The following FAM193A variants were observed in gnomAD, a reference collection of about 807,000 sequenced individuals.
FAM193A encodes family with sequence similarity 193 member A.
Under a neutral mutation model 126.5 loss-of-function variants are expected in FAM193A, and 22 were observed. The observed-to-expected ratio is 0.17, with a 90% CI of 0.12 to 0.25. The LOEUF (loss-of-function observed/expected upper bound fraction) is 0.25, where lower values mean the gene tolerates loss of function less well. FAM193A is among the 10% of genes least tolerant of loss of function. The probability of loss-of-function intolerance (pLI) is 1.00; values close to 1 mark genes in which losing one functional copy is unlikely to be tolerated. For missense variants in FAM193A, 1,675 were observed against 1,672.8 expected, an observed-to-expected ratio of 1.00 and a Z score of -0.02; for synonymous variants, 761 against 646.8, an observed-to-expected ratio of 1.18 and a Z score of -2.68.
chr4:2,565,575 A>G (rs1011277470), intron 1 of FAM193A, among the ~76,000 whole-genome samples: 1 of 145,930 alleles, frequency 6.9e-6, no homozygotes, highest in South Asian at 2.1e-4. Context: ...ACTTTGTAAT[A>G]AAAAAAAAAA....
intron 1 of FAM193A, among the ~76,000 whole-genome samples, chr4:2,577,105 G>T (rs1739630339): frequency 6.6e-6 from 1 of 152,194 alleles, no homozygotes; most frequent in Non-Finnish European, 1.5e-5. Flanking sequence ...TTTTTTGAGA[G>T]TATTATGGGG....
intron 13 of FAM193A, among the ~76,000 whole-genome samples, chr4:2,683,198 G>T (rs566441823): frequency 1.4e-4 from 21 of 152,128 alleles, no homozygotes; most frequent in African/African-American, 4.8e-4. Flanking sequence ...TTTCTGACAA[G>T]ATGTCCTCTG....
At chr4:2,631,535 C>G (rs1743586705) in intron 5 of FAM193A, among the ~76,000 whole-genome samples, 1 of 152,202 alleles carries the variant, frequency 6.6e-6, no homozygotes, top group Admixed American at 6.5e-5. Flanking sequence ...TCTTTCGTTG[C>G]TGTAGACAGA....
chr4:2,696,554 C>T lies in FAM193A; in HGVS notation c.3468C>T (p.Ser1156=), dbSNP rs770601810. 13 of 1,614,212 alleles carry T rather than the reference C, an allele frequency of 8.1e-6. No individual in the cohort carries two copies. The highest frequency in any genetic ancestry group is 1.1e-5 in the Non-Finnish European group (13 of 1,180,022). The change falls in exon 18 of 21, where the codon AGC becomes AGT. Residue 1156 remains serine (S), a synonymous_variant. Transcript: ENST00000637812. ...GCTCCGAAACCAAACCAGTGAGCAG[C>T]ACGCGTGCAGCGAAGCGAGCAAGGC... ...INSSETKPVS[S]TRAAKRARHK...
intron 19 of FAM193A, among the ~76,000 whole-genome samples, chr4:2,710,705 A>AG (rs1389794730): frequency 1.3e-5 from 2 of 151,842 alleles, no homozygotes; most frequent in Non-Finnish European, 2.9e-5. Context: ...GCATTTTGCC[A>AG]GATTGTCCAG....
Position 2,716,052 on chromosome 4 carries a change from C to G in FAM193A, c.4402C>G (p.Leu1468Val). 6.2e-7 allele frequency: 1 copy of G among 1,606,160 alleles called. No homozygotes were observed. Among genetic ancestry groups the G allele is most frequent in the South Asian group, 1.1e-5 (1 of 90,888 alleles). ...TGTCTTTCTACCTAAAGATATTGAC[C>G]TAGACAGTGTGGATATGGATGAGAC... is the stretch of plus-strand genomic sequence containing the variant. Reference protein sequence around the residue: ...DDVFLPKDIDLDSVDMDETER... With the variant: ...DDVFLPKDIDVDSVDMDETER... Residue 1468 changes from leucine (L) to valine (V), a missense_variant, in exon 20 of 21, where the codon CTA (leucine) becomes GTA (valine). By Grantham distance (32) the Leu-to-Val change is conservative. This residue lies in a region of FAM193A where 415 missense variants were observed against 396.7 expected (regional missense o/e 1.05). Coordinates refer to ENST00000637812, the MANE Select transcript of FAM193A (RefSeq NM_001366318.2).
intron 19 of FAM193A, among the ~76,000 whole-genome samples, chr4:2,715,761 T>C: frequency 6.6e-6 from 1 of 152,184 alleles, no homozygotes; most frequent in East Asian, 1.9e-4. Context: ...ATGGGGAGTC[T>C]AGGTTCTGGC....
At chr4:2,706,511 G>C (rs1266933090) in intron 19 of FAM193A, among the ~76,000 whole-genome samples, 1 of 151,706 alleles carries the variant, frequency 6.6e-6, no homozygotes, top group African/African-American at 2.4e-5. Context: ...GGTCAGGCTG[G>C]TCTCAAACTC....
intron 20 of FAM193A, among the ~76,000 whole-genome samples, chr4:2,717,719 C>A (rs1004694398): frequency 5.3e-5 from 8 of 149,812 alleles, no homozygotes; most frequent in African/African-American, 1.5e-4. Context: ...ACGGCACTTG[C>A]ACTCTAGCCT....
rs1298861410 is a variant in FAM193A at position 2,700,241 on chromosome 4, C to T, written c.4069C>T (p.Pro1357Ser). ...CGAGCCAGCGAGGAGGCCCACAGAG[C>T]CCCCCAAGGCCACAGAGGGGCAGTC... Reference protein sequence around the residue: ...SSEPARRPTEPPKATEGQSKP... With the variant: ...SSEPARRPTESPKATEGQSKP... The change falls in exon 19 of 21, where the codon CCC (proline) becomes TCC (serine). Residue 1357 changes from proline (P) to serine (S), a missense_variant. Around this residue, in one of 4 missense-constraint regions of FAM193A, gnomAD observed 415 missense variants for 396.7 expected, o/e 1.05. Transcript: ENST00000637812. 5.0e-6 allele frequency: 8 copies of T among 1,613,966 alleles called. No homozygotes were observed. The highest frequency in any genetic ancestry group is 2.7e-5 in the African/African-American group (2 of 75,016).
At chr4:2,596,388 G>T in intron 2 of FAM193A, 59 bp downstream of exon 2, 1 of 673,832 alleles carries the variant, frequency 1.5e-6, no homozygotes, top group Admixed American at 2.1e-5. Context: ...CAGGTTATGG[G>T]GTAACTGGCA....
At chr4:2,704,731 G>A (rs941795157) in intron 19 of FAM193A, among the ~76,000 whole-genome samples, 4 of 152,094 alleles carry the variant, frequency 2.6e-5, no homozygotes, top group African/African-American at 9.7e-5. Flanking sequence ...CTTTTTAACT[G>A]TTGCCAATCC....
intron 1 of FAM193A, among the ~76,000 whole-genome samples, chr4:2,549,437 C>T (rs1449877555): frequency 6.6e-5 from 9 of 135,750 alleles, no homozygotes; most frequent in African/African-American, 2.2e-4. Flanking sequence ...CGCTCTGTCG[C>T]CCAGGCTGGA....
At chr4:2,690,420 TTCA>T (rs1322059153) in intron 14 of FAM193A, among the ~76,000 whole-genome samples, 2 of 152,250 alleles carry the variant, frequency 1.3e-5, no homozygotes, top group Non-Finnish European at 2.9e-5. Flanking sequence ...CCTCAGTTTC[TTCA>T]TCTTCTTAGG....
At chr4:2,606,699 A>G (rs1049231927) in intron 2 of FAM193A, among the ~76,000 whole-genome samples, 2 of 152,214 alleles carry the variant, frequency 1.3e-5, no homozygotes. Context: ...ACTAAGGTAG[A>G]CAGATTTTCC....
intron 2 of FAM193A, among the ~76,000 whole-genome samples, chr4:2,604,389 C>CT (rs1741402441): frequency 6.6e-6 from 1 of 152,052 alleles, no homozygotes; most frequent in African/African-American, 2.4e-5. Context: ...GGTTTTATTG[C>CT]TTTTTTGGTG....
intron 13 of FAM193A, among the ~76,000 whole-genome samples, chr4:2,677,395 G>GT (rs777126488): frequency 6.6e-6 from 1 of 151,752 alleles, no homozygotes; most frequent in African/African-American, 2.4e-5. Flanking sequence ...GGTTTGGTGG[G>GT]TTTTTTTGTT....
intron 5 of FAM193A, among the ~76,000 whole-genome samples, chr4:2,631,625 A>G (rs927539664): frequency 2.0e-5 from 3 of 152,250 alleles, no homozygotes; most frequent in Admixed American, 6.5e-5. Context: ...GCGTTCATTC[A>G]TTCATGCAGG....
chr4:2,716,465 G>A (rs1719548767), intron 20 of FAM193A, among the ~76,000 whole-genome samples: 1 of 152,184 alleles, frequency 6.6e-6, no homozygotes, highest in Admixed American at 6.5e-5. Context: ...TAGACCTGTC[G>A]GATCAGATTC....
Sources: allele counts gnomAD v4.1 joint callset (sites outside exome capture counted in the v4.1 genomes callset), GRCh38; gene constraint gnomAD v4.1.1; regional missense constraint gnomAD v4.1.1; transcripts MANE v1.5; gene names NCBI Gene and HGNC (gene_info 2026-07-23, HGNC 2026-07-21).